CERS3: variants seen among roughly 807,000 people sequenced by gnomAD.
CERS3 encodes ceramide synthase 3.
Under a neutral mutation model 50.3 loss-of-function variants are expected in CERS3, and 33 were observed. The ratio of observed to expected loss-of-function variants is 0.66; its 90% CI spans 0.50 to 0.88. CERS3 has a LOEUF of 0.88. Ranked by LOEUF, CERS3 falls within the 40% of genes least tolerant of loss-of-function variation. The pLI, the probability that CERS3 is intolerant of heterozygous loss-of-function variation, is 0.00. For missense variants in CERS3, 470 were observed against 460.3 expected, an observed-to-expected ratio of 1.02 and a Z score of -0.19; for synonymous variants, 176 against 155.2, an observed-to-expected ratio of 1.13 and a Z score of -0.99.
chr15:100,501,555 G>GGATT, intron 3 of CERS3, 122 bp downstream of exon 3: 1 of 760,780 alleles, frequency 1.3e-6, no homozygotes, highest in East Asian at 2.7e-5. Flanking sequence ...AGAATCTGTG[G>GGATT]CCCATTAGTG....
chr15:100,463,922 A>C (rs2034631194), intron 10 of CERS3, among the ~76,000 whole-genome samples: 1 of 152,200 alleles, frequency 6.6e-6, no homozygotes, highest in Non-Finnish European at 1.5e-5. Context: ...TCATTCCCTC[A>C]TCCCGGGTCC....
chr15:100,486,299 G>T (rs2035480371), intron 4 of CERS3, among the ~76,000 whole-genome samples: 1 of 152,190 alleles, frequency 6.6e-6, no homozygotes, highest in African/African-American at 2.4e-5. Flanking sequence ...CAGTGTCAAA[G>T]CAATCGGATA....
At chr15:100,418,167 A>G (rs2032112569) in intron 11 of CERS3, among the ~76,000 whole-genome samples, 1 of 152,046 alleles carries the variant, frequency 6.6e-6, no homozygotes, top group Admixed American at 6.5e-5. Context: ...AAAGGCAAAG[A>G]AGTTGAAAAC....
chr15:100,414,085 C>T (rs1250466988), intron 11 of CERS3, among the ~76,000 whole-genome samples: 1 of 152,156 alleles, frequency 6.6e-6, no homozygotes, highest in Non-Finnish European at 1.5e-5. Flanking sequence ...TTCTCCCAAA[C>T]TCATTCTATG....
At chr15:100,521,310 G>A (rs1021881551) in intron 2 of CERS3, among the ~76,000 whole-genome samples, 2 of 152,250 alleles carry the variant, frequency 1.3e-5, no homozygotes, top group Non-Finnish European at 2.9e-5. Flanking sequence ...TAAGACGCTG[G>A]AAGCTAGAGA....
At chr15:100,433,522 G>C (rs987600862) in intron 11 of CERS3, among the ~76,000 whole-genome samples, 10 of 152,214 alleles carry the variant, frequency 6.6e-5, no homozygotes, top group Admixed American at 2.6e-4. Flanking sequence ...CAGAGGCCCA[G>C]CCTCCTTGGC....
At chr15:100,453,031 G>C (rs77110265) in intron 11 of CERS3, among the ~76,000 whole-genome samples, 3,987 of 152,068 alleles carry the variant, frequency 0.026, 193 homozygotes, top group African/African-American at 0.09. Context: ...GAAAAGTCCA[G>C]GTCCAGATAG....
intron 11 of CERS3, among the ~76,000 whole-genome samples, chr15:100,417,129 G>C (rs551838426): frequency 6.6e-6 from 1 of 152,144 alleles, no homozygotes; most frequent in Admixed American, 6.5e-5. Flanking sequence ...CAGCGTGAGC[G>C]ACGCAGAAGA....
intron 7 of CERS3, among the ~76,000 whole-genome samples, chr15:100,478,510 G>A (rs1156928153): frequency 2.0e-5 from 3 of 149,370 alleles, no homozygotes; most frequent in Non-Finnish European, 4.4e-5. Flanking sequence ...TAGGGCTAAA[G>A]GTCAGATGAT....
Position 100,471,105 on chromosome 15 carries a change from C to T in CERS3, c.739-1621G>A, listed in dbSNP as rs141827231. On this transcript the variant is annotated intron_variant, in intron 9 of 11. Transcript: ENST00000679737. ...CAGCTGATGGGAGGTACCAGCCTTG[C>T]TCATCGAACCTCACATCAGATCATG... Among the ~76,000 whole-genome samples, 206 of 152,288 alleles carry T rather than the reference C, an allele frequency of 1.4e-3. 1 individual carries two copies. The highest frequency in any genetic ancestry group is 4.5e-3 in the African/African-American group (187 of 41,570).
chr15:100,474,742 A>G (rs1262449634), intron 8 of CERS3, among the ~76,000 whole-genome samples: 1 of 152,242 alleles, frequency 6.6e-6, no homozygotes, highest in African/African-American at 2.4e-5. Context: ...TTTAATTCCC[A>G]CAACAAACAG....
chr15:100,495,740 TTTTA>T (rs1310784368), intron 3 of CERS3, among the ~76,000 whole-genome samples: 5 of 152,178 alleles, frequency 3.3e-5, no homozygotes, highest in Admixed American at 6.6e-5. Flanking sequence ...TGCCTTTTTA[TTTTA>T]TTTACAGTAA....
chr15:100,411,791 T>C (rs1481819440), intron 11 of CERS3, among the ~76,000 whole-genome samples: 2 of 152,200 alleles, frequency 1.3e-5, no homozygotes, highest in Non-Finnish European at 2.9e-5. Context: ...GTTTTTTTAA[T>C]AGTAACCCTC....
chr15:100,538,091 A>G (rs572333715), intron 1 of CERS3, among the ~76,000 whole-genome samples: 1 of 152,350 alleles, frequency 6.6e-6, no homozygotes, highest in Admixed American at 6.5e-5. Context: ...CTTTGACTCC[A>G]TGTCTCACAT....
At chr15:100,449,040 C>T (rs151087972) in intron 11 of CERS3, among the ~76,000 whole-genome samples, 97 of 152,338 alleles carry the variant, frequency 6.4e-4, no homozygotes, top group African/African-American at 2.0e-3. Context: ...CCTACCACAA[C>T]CAGCACATGC....
chr15:100,450,924 C>T lies in CERS3; in HGVS notation c.999+4969G>A, dbSNP rs548310488. Among the ~76,000 whole-genome samples the T allele has an allele frequency of 4.6e-5, 7 of 152,190 alleles. No homozygotes were observed. The East Asian group carries it at 5.8e-4, about 13-fold the overall frequency. ...CCTGAAAGTGGGGGAGGGGGGGAAC[C>T]TGTTAGCCAAGAATTCTATACTCAG... is the stretch of plus-strand genomic sequence containing the variant. On this transcript the variant is annotated intron_variant, in intron 11 of 11. Transcript: ENST00000679737.
At chr15:100,415,492 A>G (rs1411734679) in intron 11 of CERS3, among the ~76,000 whole-genome samples, 2 of 152,210 alleles carry the variant, frequency 1.3e-5, no homozygotes, top group Non-Finnish European at 2.9e-5. Flanking sequence ...ACACATGCAC[A>G]TGTATGTTTA....
At chr15:100,448,676 C>A (rs2034037497) in intron 11 of CERS3, among the ~76,000 whole-genome samples, 1 of 152,258 alleles carries the variant, frequency 6.6e-6, no homozygotes, top group African/African-American at 2.4e-5. Context: ...TCTACACATT[C>A]CTGGAGCCCC....
chr15:100,419,016 G>A (rs2032192099), intron 11 of CERS3, among the ~76,000 whole-genome samples: 1 of 146,646 alleles, frequency 6.8e-6, no homozygotes, highest in Admixed American at 6.9e-5. Flanking sequence ...GGAAGAAACT[G>A]CATCAACTAA....
Sources: allele counts gnomAD v4.1 joint callset (sites outside exome capture counted in the v4.1 genomes callset), GRCh38; gene constraint gnomAD v4.1.1; transcripts MANE v1.5; gene names NCBI Gene and HGNC (gene_info 2026-07-23, HGNC 2026-07-21).